FARSB: variants seen among roughly 807,000 people sequenced by gnomAD.
FARSB encodes phenylalanine--tRNA ligase beta subunit.
FARSB carries 40 observed loss-of-function variants against 69.6 expected under a neutral mutation model. The ratio of observed to expected loss-of-function variants is 0.57; its 90% CI spans 0.45 to 0.75. The LOEUF (loss-of-function observed/expected upper bound fraction) is 0.75. Among genes scored for constraint, FARSB ranks in the 30% least tolerant of loss-of-function variants. The pLI, the probability that FARSB is intolerant of heterozygous loss-of-function variation, is 0.00. For missense variants in FARSB, 632 were observed against 722.9 expected (o/e 0.87, Z 1.44); for synonymous variants, 235 against 247.2 (o/e 0.95, Z 0.46).
intron 10 of FARSB, among the ~76,000 whole-genome samples, chr2:222,627,300 G>A (rs919000587): frequency 1.3e-5 from 2 of 152,168 alleles, no homozygotes; most frequent in African/African-American, 4.8e-5. Flanking sequence ...AAATGCCTGG[G>A]CACTGGGCAT....
intron 15 of FARSB, among the ~76,000 whole-genome samples, chr2:222,613,369 A>G (rs1033469708): frequency 6.6e-6 from 1 of 152,162 alleles, no homozygotes; most frequent in Non-Finnish European, 1.5e-5. Flanking sequence ...ACATGGTGAA[A>G]CACCGTCTCT....
In FARSB at chr2:222,637,220, A is replaced by G. The variant is rs138391641; in HGVS notation, c.455+2360T>C. ...AATAGTTTTTATGGCAACTAACAGC[A>G]GGCAATAAAGGGCAGCAATCCCTGA... On this transcript the variant is annotated intron_variant, in intron 5 of 16. Transcript: ENST00000281828. Among the ~76,000 whole-genome samples the G allele has an allele frequency of 1.4e-3, 220 of 152,304 alleles. 1 individual carries two copies. The highest frequency in any genetic ancestry group is 0.013 in the Admixed American group (193 of 15,300).
At position 222,590,731 on chromosome 2, in the gene FARSB, T is replaced by C. The variant is rs1273748688; in HGVS notation, c.1618+9197A>G. Among the ~76,000 whole-genome samples, 4 of 152,178 alleles carry C rather than the reference T, an allele frequency of 2.6e-5. No homozygotes were observed. The East Asian group carries it at 7.7e-4, about 29-fold the overall frequency. ...ATTTACAACTGGGAATAATGCAATG[T>C]CTTAGATTTGCTTCAAAATAATTTA... On this transcript the variant is annotated intron_variant, in intron 16 of 16. Coordinates refer to ENST00000281828, the MANE Select transcript of FARSB (RefSeq NM_005687.5).
At chr2:222,603,676 A>G (rs1055586710) in intron 15 of FARSB, among the ~76,000 whole-genome samples, 1 of 129,190 alleles carries the variant, frequency 7.7e-6, no homozygotes, top group African/African-American at 2.6e-5. Flanking sequence ...TATAATTAAT[A>G]TTATATTATA....
chr2:222,644,530 G>A (rs1372473613), intron 2 of FARSB: 1 of 455,250 alleles, frequency 2.2e-6, no homozygotes, highest in Admixed American at 2.4e-5. Flanking sequence ...AGAAAGCTGA[G>A]TCACCTCCCA....
intron 13 of FARSB, among the ~76,000 whole-genome samples, chr2:222,620,299 C>G (rs1438716767): frequency 6.6e-6 from 1 of 152,180 alleles, no homozygotes; most frequent in Admixed American, 6.5e-5. Context: ...TTTTGACTAC[C>G]ATTATAACCC....
rs142553744 is a variant in FARSB, at chr2:222,606,378, C to T, written c.1463-6295G>A. Among the ~76,000 whole-genome samples the T allele has an allele frequency of 2.0e-5, 3 of 152,294 alleles. No homozygotes were observed. In the East Asian group the frequency reaches 5.8e-4, roughly 29 times the overall value. On this transcript the variant is annotated intron_variant, in intron 15 of 16. Coordinates refer to ENST00000281828, the MANE Select transcript of FARSB (RefSeq NM_005687.5). ...TACATCATAGAAAGTCCACTGACTACACACCACAAAATAAGAACTATTTAA... is the reference window on the plus strand; with the variant it reads ...TACATCATAGAAAGTCCACTGACTATACACCACAAAATAAGAACTATTTAA...
chr2:222,619,284 C>A (rs1574936186), intron 14 of FARSB, among the ~76,000 whole-genome samples: 1 of 142,248 alleles, frequency 7.0e-6, no homozygotes, highest in African/African-American at 2.6e-5. Flanking sequence ...CCAGCCTGAG[C>A]AACAGGGCAA....
In FARSB at chr2:222,616,323, C is replaced by T. The variant is rs1382628486; in HGVS notation, c.1345-2395G>A. On this transcript the variant is annotated intron_variant, in intron 14 of 16. Coordinates refer to ENST00000281828, the MANE Select transcript of FARSB (RefSeq NM_005687.5). ...AAAATTGATGGGAGGCCAAGATGGGCGGATCACGAGGTCAGGAGATTGAGA... is the reference window on the plus strand; with the variant it reads ...AAAATTGATGGGAGGCCAAGATGGGTGGATCACGAGGTCAGGAGATTGAGA... 5.3e-5 allele frequency among the ~76,000 whole-genome samples: 8 copies of T among 152,040 alleles called. No homozygotes were observed. In the East Asian group the frequency reaches 1.5e-3, roughly 29 times the overall value.
chr2:222,616,308 G>A (rs2106211782), intron 14 of FARSB, among the ~76,000 whole-genome samples: 1 of 152,256 alleles, frequency 6.6e-6, no homozygotes, highest in East Asian at 1.9e-4. Context: ...AAAATTGATG[G>A]GAGGCCAAGA....
In FARSB at chr2:222,613,945, G is replaced by T. The variant is rs1393429913; in HGVS notation, c.1345-17C>A. ...GCGTGCCACCTACAGGAAAAGACAT[G>T]AAATTGCACTGACCAAATAGGACCC... On this transcript the variant is annotated splice_polypyrimidine_tract_variant and intron_variant, in intron 14 of 16. Coordinates refer to ENST00000281828, the MANE Select transcript of FARSB (RefSeq NM_005687.5). The T allele has an allele frequency of 2.0e-6, 3 of 1,506,102 alleles. No individual in the cohort carries two copies. In the East Asian group the frequency reaches 6.8e-5, roughly 34 times the overall value. 93.3% of individuals were successfully genotyped at this position (1,506,102 alleles called of 1,614,324 possible). A position where few individuals can be genotyped will look rare whatever the true frequency, so the allele number is the denominator to read the frequency against.
At chr2:222,598,208 G>T (rs1481550635) in intron 16 of FARSB, among the ~76,000 whole-genome samples, 1 of 152,206 alleles carries the variant, frequency 6.6e-6, no homozygotes, top group South Asian at 2.1e-4. Flanking sequence ...TTGAGGGTCG[G>T]TATGTGGTGG....
chr2:222,646,810 C>G (rs1345791534), intron 2 of FARSB, among the ~76,000 whole-genome samples: 2 of 152,192 alleles, frequency 1.3e-5, no homozygotes, highest in East Asian at 3.8e-4. Context: ...CCTTTTTCTT[C>G]AGTTCCAGTG....
At chr2:222,572,888 C>T (rs1689750056) in intron 16 of FARSB, among the ~76,000 whole-genome samples, 1 of 152,184 alleles carries the variant, frequency 6.6e-6, no homozygotes, top group Non-Finnish European at 1.5e-5. Context: ...CTGAAGTTTA[C>T]AAATATGCTG....
chr2:222,640,408 T>C (rs557182745), intron 4 of FARSB, among the ~76,000 whole-genome samples: 22 of 151,966 alleles, frequency 1.4e-4, no homozygotes, highest in African/African-American at 5.3e-4. Context: ...AAGGATCCTT[T>C]GAGCTCAGGA....
At chr2:222,578,133 C>T (rs974972177) in intron 16 of FARSB, among the ~76,000 whole-genome samples, 2 of 152,140 alleles carry the variant, frequency 1.3e-5, no homozygotes, top group Admixed American at 6.5e-5. Context: ...TTGTCTGACA[C>T]CCATATCATT....
intron 15 of FARSB, among the ~76,000 whole-genome samples, chr2:222,604,722 A>ATTTTTTT (rs56201038): frequency 4.8e-4 from 53 of 110,688 alleles, no homozygotes; most frequent in Non-Finnish European, 6.2e-4. Context: ...TGCCCACTGA[A>ATTTTTTT]TTTTTTTTTT....
At chr2:222,592,134 G>A (rs924174579) in intron 16 of FARSB, among the ~76,000 whole-genome samples, 4 of 152,120 alleles carry the variant, frequency 2.6e-5, no homozygotes, top group African/African-American at 4.8e-5. Context: ...AAATGGCAAT[G>A]GTTTAAACAA....
chr2:222,613,619 A>G (rs985145872), intron 15 of FARSB, among the ~76,000 whole-genome samples, 192 bp downstream of exon 15: 2 of 152,222 alleles, frequency 1.3e-5, no homozygotes, highest in Non-Finnish European at 2.9e-5. Flanking sequence ...GATTCATATT[A>G]AAATAATATG....
Sources: gnomAD v4.1 joint callset for allele counts (sites outside exome capture counted in the v4.1 genomes callset) on GRCh38, gnomAD v4.1.1 for gene constraint, MANE v1.5 for transcripts, NCBI Gene and HGNC (gene_info 2026-07-23, HGNC 2026-07-21) for gene names.